Variants in BDKRB2 observed in about 807,000 individuals in gnomAD.
The protein encoded by BDKRB2 is B2 bradykinin receptor.
A neutral mutation model predicts 4.0 loss-of-function variants in BDKRB2; 6 were observed. The observed-to-expected ratio is 1.49, with a 90% CI of 0.81 to 2.93. The LOEUF (loss-of-function observed/expected upper bound fraction) is 2.93, where lower values mean the gene tolerates loss of function less well. Ranked by LOEUF, BDKRB2 falls within the 30% of genes most tolerant of loss-of-function variation. BDKRB2 has a pLI of 0.00. For missense variants in BDKRB2, 478 were observed against 520.1 expected, an observed-to-expected ratio of 0.92 and a Z score of 0.79; for synonymous variants, 225 against 215.3, an observed-to-expected ratio of 1.05 and a Z score of -0.40.
chr14:96,208,397 G>T (rs553343241), intron 1 of BDKRB2, among the ~76,000 whole-genome samples: 1 of 152,148 alleles, frequency 6.6e-6, no homozygotes, highest in Admixed American at 6.5e-5. Flanking sequence ...ACAGCAGAAA[G>T]CACGGTGGAA....
intron 1 of BDKRB2, among the ~76,000 whole-genome samples, chr14:96,216,787 AGGAGG>A (rs1438283962): frequency 7.0e-6 from 1 of 141,854 alleles, no homozygotes; most frequent in Admixed American, 7.0e-5. Flanking sequence ...GAGGAGGAGG[AGGAGG>A]AAGTAGGAGA....
At chr14:96,216,076 G>T (rs1890410712) in intron 1 of BDKRB2, among the ~76,000 whole-genome samples, 1 of 152,188 alleles carries the variant, frequency 6.6e-6, no homozygotes, top group African/African-American at 2.4e-5. Context: ...TTTGTTTCTG[G>T]CTCCAAAAAT....
intron 1 of BDKRB2, among the ~76,000 whole-genome samples, chr14:96,219,113 C>T (rs1434623066): frequency 6.6e-6 from 1 of 151,940 alleles, no homozygotes; most frequent in Non-Finnish European, 1.5e-5. Context: ...ACCAGCCTGA[C>T]CAACATGGCA....
At chr14:96,225,379 T>G (rs534920222) in intron 1 of BDKRB2, among the ~76,000 whole-genome samples, 1 of 152,070 alleles carries the variant, frequency 6.6e-6, no homozygotes, top group Non-Finnish European at 1.5e-5. Flanking sequence ...GGCTGAGAAA[T>G]CAGGGAAGGC....
In BDKRB2 at chr14:96,208,671, C is replaced by T. The variant is rs1030507447; in HGVS notation, c.-40+3712C>T. On this transcript the variant is annotated intron_variant, in intron 1 of 2. Coordinates refer to ENST00000554311, the MANE Select transcript of BDKRB2 (RefSeq NM_001379692.1). ...ATTTGCTTTGCAGTAAGGCCATGGCCGCTTAAGGGTGTCCAGAAAAAAGCC... is the reference window on the plus strand; with the variant it reads ...ATTTGCTTTGCAGTAAGGCCATGGCTGCTTAAGGGTGTCCAGAAAAAAGCC... 2.0e-5 allele frequency among the ~76,000 whole-genome samples: 3 copies of T among 152,260 alleles called. No individual in the cohort carries two copies. The South Asian group carries it at 6.2e-4, about 32-fold the overall frequency.
chr14:96,223,265 G>A (rs549685423), intron 1 of BDKRB2: 5 of 1,050,104 alleles, frequency 4.8e-6, no homozygotes, highest in African/African-American at 3.1e-5. Flanking sequence ...CAGAGTCAGG[G>A]ATGGGTCCAT....
intron 1 of BDKRB2, among the ~76,000 whole-genome samples, chr14:96,211,842 C>A (rs376330343): frequency 9.2e-5 from 14 of 152,130 alleles, no homozygotes; most frequent in Non-Finnish European, 1.6e-4. Context: ...GAACTCCCTG[C>A]GAAGGCCGGT....
intron 1 of BDKRB2, among the ~76,000 whole-genome samples, chr14:96,225,627 T>C (rs1409479744): frequency 6.6e-6 from 1 of 152,132 alleles, no homozygotes; most frequent in Non-Finnish European, 1.5e-5. Context: ...GGGAAGCCCT[T>C]AGACCCCAGA....
chr14:96,244,099 A>C lies in BDKRB2; in HGVS notation c.*2595A>C, dbSNP rs1006732097. On this transcript the variant is annotated 3_prime_UTR_variant, in exon 3 of 3. Coordinates refer to ENST00000554311, the MANE Select transcript of BDKRB2 (RefSeq NM_001379692.1). ...TGTAAACAGGAAGCATTTCACATCC[A>C]AACGAGAAAATCATGTAAACATGTG... 2.5e-6 allele frequency: 1 copy of C among 398,360 alleles called. No homozygotes were observed. The highest frequency in any genetic ancestry group is 2.1e-5 in the African/African-American group (1 of 48,652). The allele number at this position is 398,360 out of a possible 1,614,324, so 24.7% of individuals were successfully genotyped here.
chr14:96,239,263 C>A, intron 2 of BDKRB2: 1 of 975,686 alleles, frequency 1.0e-6, no homozygotes, highest in Non-Finnish European at 1.2e-6. Flanking sequence ...TTGAATGTTG[C>A]AACAGCCATG....
At chr14:96,213,688 A>G (rs1010413236) in intron 1 of BDKRB2, among the ~76,000 whole-genome samples, 4 of 152,188 alleles carry the variant, frequency 2.6e-5, no homozygotes, top group African/African-American at 9.7e-5. Context: ...GGGAGGGTGC[A>G]CAGTGGAGAG....
intron 1 of BDKRB2, among the ~76,000 whole-genome samples, chr14:96,218,227 C>A (rs1890471849): frequency 6.6e-6 from 1 of 152,130 alleles, no homozygotes; most frequent in Non-Finnish European, 1.5e-5. Flanking sequence ...TCACCTCCCT[C>A]TCAGAGGTTT....
chr14:96,206,634 C>T (rs1341397618), intron 1 of BDKRB2, among the ~76,000 whole-genome samples: 1 of 151,916 alleles, frequency 6.6e-6, no homozygotes, highest in Non-Finnish European at 1.5e-5. Context: ...AATAGCTGTG[C>T]CACGTGGTTT....
Position 96,240,838 on chromosome 14 carries a change from C to A in BDKRB2, c.510C>A (p.Gly170=), listed in dbSNP as rs200159176. Residue 170 remains glycine, a synonymous_variant, in exon 3 of 3, where the codon GGC becomes GGA. Transcript: ENST00000554311. ...CCATGTCCATGGGCCGGATGCGCGG[C>A]GTGCGCTGGGCCAAGCTCTACAGCT... ...VKTMSMGRMR[G]VRWAKLYSLV... is the part of the protein sequence containing the mutation. The A allele has an allele frequency of 3.2e-6, 5 of 1,561,478 alleles. No homozygotes were observed. The highest frequency in any genetic ancestry group is 3.8e-5 in the Admixed American group (2 of 52,818).
chr14:96,206,461 G>C (rs1362759063), intron 1 of BDKRB2, among the ~76,000 whole-genome samples: 1 of 152,164 alleles, frequency 6.6e-6, no homozygotes, highest in Admixed American at 6.5e-5. Flanking sequence ...TGCAAACGGG[G>C]AGGTTCCCAT....
intron 2 of BDKRB2, among the ~76,000 whole-genome samples, 194 bp downstream of exon 2, chr14:96,237,375 C>G (rs2139796593): frequency 6.6e-6 from 1 of 152,270 alleles, no homozygotes; most frequent in East Asian, 1.9e-4. Flanking sequence ...TTCTGCGGAA[C>G]TAGAGGAAGA....
intron 1 of BDKRB2, among the ~76,000 whole-genome samples, chr14:96,225,847 G>A (rs1470529732): frequency 2.6e-5 from 4 of 152,204 alleles, no homozygotes; most frequent in Non-Finnish European, 1.5e-5. Flanking sequence ...GCCCAGGTTT[G>A]CACGTGGTGG....
At chr14:96,228,344 C>T (rs1204542249) in intron 1 of BDKRB2, among the ~76,000 whole-genome samples, 1 of 152,218 alleles carries the variant, frequency 6.6e-6, no homozygotes, top group Non-Finnish European at 1.5e-5. Flanking sequence ...CAGCCTTTTA[C>T]ACCCTGCCCT....
chr14:96,213,521 C>CATGTGT (rs1488650993), intron 1 of BDKRB2, among the ~76,000 whole-genome samples: 2 of 151,072 alleles, frequency 1.3e-5, no homozygotes, highest in East Asian at 3.9e-4. Flanking sequence ...CACACACACA[C>CATGTGT]ACACACACAC....
Sources: allele counts gnomAD v4.1 joint callset (sites outside exome capture counted in the v4.1 genomes callset), GRCh38; gene constraint gnomAD v4.1.1; transcripts MANE v1.5; gene names NCBI Gene and HGNC (gene_info 2026-07-23, HGNC 2026-07-21).